The following RALB variants were observed in gnomAD, a reference collection of about 807,000 sequenced individuals.
RALB encodes ras-related protein Ral-B.
A neutral mutation model predicts 21.3 loss-of-function variants in RALB; 16 were observed. The ratio of observed to expected loss-of-function variants is 0.75; its 90% CI spans 0.51 to 1.14. The LOEUF (loss-of-function observed/expected upper bound fraction) is 1.14, where lower values mean the gene tolerates loss of function less well. Among genes scored for constraint, RALB ranks in the 50% most tolerant of loss-of-function variants. RALB has a pLI of 0.00. For missense variants in RALB, 161 were observed against 256.2 expected (o/e 0.63, Z 2.54); for synonymous variants, 93 against 96.1 (o/e 0.97, Z 0.19).
chr2:120,256,170 G>A (rs985152598), intron 1 of RALB, among the ~76,000 whole-genome samples: 2 of 152,188 alleles, frequency 1.3e-5, no homozygotes, highest in Non-Finnish European at 2.9e-5. Context: ...TCTGAAGCTC[G>A]ACTGGGACCA....
At chr2:120,246,542 C>G (rs550191825) in intron 1 of RALB, among the ~76,000 whole-genome samples, 103 of 152,358 alleles carry the variant, frequency 6.8e-4, no homozygotes, top group South Asian at 2.9e-3. Flanking sequence ...CCTCCTCCCC[C>G]TTCCTAACTC....
At chr2:120,289,481 C>G in intron 3 of RALB, 99 bp from the exon 4 acceptor site, 2 of 1,259,472 alleles carry the variant, frequency 1.6e-6, no homozygotes, top group Non-Finnish European at 2.2e-6. Context: ...TTTTTTTTTC[C>G]TTCTGCCTTA....
chr2:120,244,080 C>T (rs114155774), intron 1 of RALB, among the ~76,000 whole-genome samples: 8,792 of 152,164 alleles, frequency 0.058, 865 homozygotes, highest in African/African-American at 0.2. Context: ...CACATGGCAA[C>T]AGGAGACAGA....
intron 1 of RALB, among the ~76,000 whole-genome samples, chr2:120,246,171 GGGGTTTGGCATTTGT>G (rs1553520645): frequency 6.6e-6 from 1 of 152,236 alleles, no homozygotes; most frequent in Non-Finnish European, 1.5e-5. Context: ...TCACCAGGGC[GGGGTTTGGCATTTGT>G]GGGTGGGACA....
chr2:120,275,431 T>G (rs551126281), intron 1 of RALB, among the ~76,000 whole-genome samples: 1 of 152,350 alleles, frequency 6.6e-6, no homozygotes, highest in Admixed American at 6.5e-5. Context: ...TAAGAGCAAT[T>G]CTAAGCCTTG....
intron 1 of RALB, among the ~76,000 whole-genome samples, chr2:120,277,951 G>A (rs1689876770): frequency 6.7e-6 from 1 of 149,594 alleles, no homozygotes. Context: ...GTGTGAATGT[G>A]TGAATGTGAG....
Position 120,285,884 on chromosome 2 carries a change from A to T in RALB, c.125A>T (p.Asp42Val). The T allele has an allele frequency of 1.2e-6, 2 of 1,612,734 alleles. No homozygotes were observed. Among genetic ancestry groups the T allele is most frequent in the Non-Finnish European group, 8.5e-7 (1 of 1,178,780 alleles). Residue 42 changes from aspartate to valine, a missense_variant, in exon 3 of 5, where the codon GAC (aspartate) becomes GTC (valine). Transcript: ENST00000272519. The stretch of plus-strand genomic sequence containing the variant: ...TGTTTATTTCCTCAGTTTGTAGAAG[A>T]CTATGAACCTACCAAAGCTGACAGT... ...LQFMYDEFVE[D>V]YEPTKADSYR...
At chr2:120,259,956 TG>T (rs1198651669) in intron 1 of RALB, among the ~76,000 whole-genome samples, 1 of 152,184 alleles carries the variant, frequency 6.6e-6, no homozygotes, top group Non-Finnish European at 1.5e-5. Context: ...CCAGCACTGC[TG>T]GGGGACTCAG....
intron 1 of RALB, among the ~76,000 whole-genome samples, chr2:120,265,711 A>G (rs1178321506): frequency 6.6e-6 from 1 of 152,232 alleles, no homozygotes; most frequent in East Asian, 1.9e-4. Context: ...TCCGCTAGTT[A>G]AGTGACCCTG....
At chr2:120,262,017 G>A (rs770762068) in intron 1 of RALB, among the ~76,000 whole-genome samples, 1 of 152,166 alleles carries the variant, frequency 6.6e-6, no homozygotes, top group Non-Finnish European at 1.5e-5. Flanking sequence ...GAGAGGGGCC[G>A]AGCTTGGCTG....
upstream of RALB, chr2:120,252,695 C>T: frequency 2.4e-6 from 2 of 846,854 alleles, no homozygotes; most frequent in Non-Finnish European, 2.8e-6. Context: ...GGTGAAACCT[C>T]CTCCCCGGCC....
In RALB at chr2:120,253,766, G is replaced by A. The variant is rs372359026; in HGVS notation, c.-48+786G>A. On this transcript the variant is annotated intron_variant, in intron 1 of 4. Coordinates refer to ENST00000272519, the MANE Select transcript of RALB (RefSeq NM_002881.3). ...CGGGAGAGAAGTGCTTGTGCCTGGC[G>A]GACTGAATGAATTGGCCGTGGAAGA... 1.6e-4 allele frequency: 151 copies of A among 960,202 alleles called. No individual in the cohort carries two copies. In the African/African-American group the frequency reaches 1.7e-3, roughly 11 times the overall value. The allele number at this position is 960,202 out of a possible 1,614,324, so 59.5% of individuals were successfully genotyped here.
At chr2:120,287,652 G>A (rs1489204481) in intron 3 of RALB, among the ~76,000 whole-genome samples, 1 of 152,216 alleles carries the variant, frequency 6.6e-6, no homozygotes, top group African/African-American at 2.4e-5. Flanking sequence ...TATTTCAAGT[G>A]CTCCTTGTCC....
At chr2:120,253,092 G>A in intron 1 of RALB, 112 bp downstream of exon 1, 1 of 758,502 alleles carries the variant, frequency 1.3e-6, no homozygotes, top group Non-Finnish European at 1.6e-6. Flanking sequence ...GTGGCCGGGC[G>A]GCGGCAGGAC....
At chr2:120,260,508 C>G (rs1689336263) in intron 1 of RALB, among the ~76,000 whole-genome samples, 1 of 152,252 alleles carries the variant, frequency 6.6e-6, no homozygotes. Flanking sequence ...CGTAAGTTGT[C>G]TGTACAGCCA....
At chr2:120,281,690 T>G (rs568255266) in intron 2 of RALB, among the ~76,000 whole-genome samples, 2 of 152,308 alleles carry the variant, frequency 1.3e-5, no homozygotes, top group South Asian at 4.1e-4. Flanking sequence ...CCAAAACGTT[T>G]TTGCATAAGA....
chr2:120,279,612 G>T (rs975492736), intron 2 of RALB, among the ~76,000 whole-genome samples: 1 of 152,146 alleles, frequency 6.6e-6, no homozygotes, highest in African/African-American at 2.4e-5. Context: ...GCCATTTTAA[G>T]TAAAGGACTT....
intron 1 of RALB, among the ~76,000 whole-genome samples, chr2:120,264,559 T>C (rs531778322): frequency 1.1e-3 from 174 of 152,160 alleles, no homozygotes; most frequent in African/African-American, 4.1e-3. Flanking sequence ...GTCCCACAAC[T>C]GTAGTTGGTA....
At chr2:120,273,350 T>C (rs1479036860) in intron 1 of RALB, among the ~76,000 whole-genome samples, 1 of 151,218 alleles carries the variant, frequency 6.6e-6, no homozygotes, top group Non-Finnish European at 1.5e-5. Context: ...CATAAGTCCA[T>C]GTGGGGTCAG....
Sources: allele counts gnomAD v4.1 joint callset (sites outside exome capture counted in the v4.1 genomes callset), GRCh38; gene constraint gnomAD v4.1.1; transcripts MANE v1.5; gene names NCBI Gene and HGNC (gene_info 2026-07-23, HGNC 2026-07-21).